GLI2: variants seen among roughly 807,000 people sequenced by gnomAD.
The protein encoded by GLI2 is transcription activator GLI2.
GLI2 carries 22 observed loss-of-function variants against 78.9 expected under a neutral mutation model. The observed-to-expected ratio is 0.28, with a 90% CI of 0.20 to 0.40. The LOEUF is 0.40. GLI2 is among the 10% of genes least tolerant of loss of function. The pLI is 1.00. For missense variants in GLI2, 2,097 were observed against 2,213.2 expected, an observed-to-expected ratio of 0.95 and a Z score of 1.05; for synonymous variants, 974 against 963.7, an observed-to-expected ratio of 1.01 and a Z score of -0.20.
intron 1 of GLI2, among the ~76,000 whole-genome samples, chr2:120,796,354 C>T (rs1337989866): frequency 6.6e-6 from 1 of 152,216 alleles, no homozygotes; most frequent in Non-Finnish European, 1.5e-5. Context: ...ACTGCAGTAG[C>T]CTCCTCTCCC....
chr2:120,961,961 A>G (rs2166563), intron 5 of GLI2, among the ~76,000 whole-genome samples: 1 of 151,880 alleles, frequency 6.6e-6, no homozygotes, highest in Non-Finnish European at 1.5e-5. Context: ...TCCTGGGACC[A>G]GGTGCCAGGA....
intron 2 of GLI2, among the ~76,000 whole-genome samples, chr2:120,858,131 T>C (rs929920138): frequency 6.6e-6 from 1 of 152,108 alleles, no homozygotes; most frequent in Non-Finnish European, 1.5e-5. Context: ...CGGGGGAGAA[T>C]GACAGCTTGG....
intron 1 of GLI2, among the ~76,000 whole-genome samples, chr2:120,787,972 C>T (rs1298594953): frequency 6.6e-6 from 1 of 152,184 alleles, no homozygotes; most frequent in African/African-American, 2.4e-5. Context: ...ACTGTCGTGT[C>T]AATTCTTGGA....
intron 2 of GLI2, among the ~76,000 whole-genome samples, chr2:120,804,808 G>C (rs982436216): frequency 2.6e-5 from 4 of 152,236 alleles, no homozygotes; most frequent in Non-Finnish European, 4.4e-5. Flanking sequence ...GTTCAGGAGT[G>C]TACTGCAAGG....
At chr2:120,871,566 G>A (rs1340124243) in intron 2 of GLI2, among the ~76,000 whole-genome samples, 10 of 152,212 alleles carry the variant, frequency 6.6e-5, no homozygotes, top group Admixed American at 6.5e-4. Context: ...CTAATCATGG[G>A]CTGATCTGTG....
chr2:120,736,875 G>GC (rs552858826), intron 1 of GLI2, among the ~76,000 whole-genome samples: 114 of 136,000 alleles, frequency 8.4e-4, no homozygotes, highest in African/African-American at 3.1e-3. Context: ...CTCCTCCTCG[G>GC]CCCCCCCTCT....
intron 5 of GLI2, among the ~76,000 whole-genome samples, chr2:120,961,982 T>TC (rs1186305485): frequency 6.6e-6 from 1 of 152,080 alleles, no homozygotes; most frequent in Non-Finnish European, 1.5e-5. Context: ...TGATGCTCTT[T>TC]CCTCCTGCCC....
intron 1 of GLI2, among the ~76,000 whole-genome samples, chr2:120,749,396 T>A (rs1682798525): frequency 6.6e-6 from 1 of 152,176 alleles, no homozygotes; most frequent in Non-Finnish European, 1.5e-5. Context: ...AATCTAAGCA[T>A]GTGGTATAGT....
At chr2:120,768,092 C>A (rs1205239059) in intron 1 of GLI2, among the ~76,000 whole-genome samples, 1 of 152,192 alleles carries the variant, frequency 6.6e-6, no homozygotes, top group Non-Finnish European at 1.5e-5. Flanking sequence ...GTCTGAAGCT[C>A]GAGTTTGGCA....
At chr2:120,949,999 T>C (rs1157648360) in intron 3 of GLI2, among the ~76,000 whole-genome samples, 4 of 152,252 alleles carry the variant, frequency 2.6e-5, no homozygotes, top group African/African-American at 9.6e-5. Context: ...GTGTGAAGAT[T>C]GGGAGGGCCT....
At chr2:120,988,127 G>C (rs1009226758) in intron 13 of GLI2, 81 bp from the exon 14 acceptor site, 2 of 1,259,098 alleles carry the variant, frequency 1.6e-6, no homozygotes, top group African/African-American at 3.1e-5. Flanking sequence ...CGGGCTCCAG[G>C]CCCAGTGCGA....
At chr2:120,817,147 A>G (rs370219734) in intron 2 of GLI2, among the ~76,000 whole-genome samples, 17 of 152,344 alleles carry the variant, frequency 1.1e-4, no homozygotes, top group African/African-American at 3.8e-4. Context: ...GACTTTGCCC[A>G]TCTCTTGAGA....
At chr2:120,916,875 C>T (rs944103344) in intron 2 of GLI2, among the ~76,000 whole-genome samples, 1 of 152,210 alleles carries the variant, frequency 6.6e-6, no homozygotes, top group African/African-American at 2.4e-5. Flanking sequence ...CATCGTATCC[C>T]TAGATCAGAC....
intron 3 of GLI2, among the ~76,000 whole-genome samples, chr2:120,940,580 ATACTGT>A (rs1418208298): frequency 4.6e-5 from 7 of 152,140 alleles, no homozygotes; most frequent in Non-Finnish European, 8.8e-5. Context: ...AGCACCTTGT[ATACTGT>A]TAGAAGGCTA....
rs190790740 is a variant in GLI2 at position 120,926,669 on chromosome 2, G to A, written c.149-692G>A. 5.5e-3 allele frequency among the ~76,000 whole-genome samples: 843 copies of A among 152,270 alleles called. 8 individuals carry two copies. The highest frequency in any genetic ancestry group is 0.018 in the African/African-American group (750 of 41,532). ...CATCCTACAATTATCATGATGATTT[G>A]TCGAGGGCAGGCCAAGTTCAGACAG... On this transcript the variant is annotated intron_variant, in intron 2 of 13. Coordinates refer to ENST00000361492, the MANE Select transcript of GLI2 (RefSeq NM_001374353.1).
intron 1 of GLI2, among the ~76,000 whole-genome samples, chr2:120,754,682 G>A (rs924734222): frequency 1.3e-5 from 2 of 152,088 alleles, no homozygotes; most frequent in Non-Finnish European, 2.9e-5. Context: ...TGGATATTTA[G>A]GTTGTTTCCA....
intron 1 of GLI2, among the ~76,000 whole-genome samples, chr2:120,777,321 C>T (rs942261262): frequency 4.0e-5 from 6 of 151,642 alleles, no homozygotes; most frequent in African/African-American, 1.2e-4. Context: ...TGTGAGAAGC[C>T]GTGTGTGAGT....
intron 2 of GLI2, among the ~76,000 whole-genome samples, chr2:120,841,848 G>GGTGT (rs555474895): frequency 0.026 from 3,486 of 132,636 alleles, 68 homozygotes; most frequent in East Asian, 0.044. Context: ...CAGTCTGGAG[G>GGTGT]GTGTGTGTGT....
intron 2 of GLI2, among the ~76,000 whole-genome samples, chr2:120,922,293 G>A (rs182079661): frequency 2.1e-4 from 32 of 152,310 alleles, no homozygotes; most frequent in African/African-American, 7.2e-4. Context: ...GAGGGTGAGC[G>A]GAAGGGTCTG....
Sources: gnomAD v4.1 joint callset for allele counts (sites outside exome capture counted in the v4.1 genomes callset) on GRCh38, gnomAD v4.1.1 for gene constraint, MANE v1.5 for transcripts, NCBI Gene and HGNC (gene_info 2026-07-23, HGNC 2026-07-21) for gene names.